Variants in AKR1C1 observed in about 807,000 individuals in gnomAD.
AKR1C1 encodes aldo-keto reductase family 1 member C1.
Under a neutral mutation model 40.6 loss-of-function variants are expected in AKR1C1, and 32 were observed. The observed-to-expected ratio is 0.79, with a 90% CI of 0.60 to 1.06. The LOEUF (loss-of-function observed/expected upper bound fraction) is 1.06, where lower values mean the gene tolerates loss of function less well. Ranked by LOEUF, AKR1C1 falls within the 50% of genes least tolerant of loss-of-function variation. The pLI is 0.00. For missense variants in AKR1C1, 320 were observed against 363.5 expected, an observed-to-expected ratio of 0.88 and a Z score of 0.97; for synonymous variants, 105 against 134.2, an observed-to-expected ratio of 0.78 and a Z score of 1.50.
rs530189167 is a variant in AKR1C1, at chr10:4,976,786, G to A, written c.929+853G>A. ...CAAGTAATAGAGATGATGAGATAAT[G>A]TGTGAAAAAAACAAGCACAATGGTA... is the stretch of plus-strand genomic sequence containing the variant. On this transcript the variant is annotated intron_variant, in intron 8 of 8. Transcript: ENST00000380872. Among the ~76,000 whole-genome samples the A allele has an allele frequency of 4.6e-5, 7 of 152,222 alleles. No homozygotes were observed. The South Asian group carries it at 1.5e-3, about 32-fold the overall frequency.
At chr10:4,973,736 A>C (rs1836476364) in intron 7 of AKR1C1, among the ~76,000 whole-genome samples, 1 of 152,164 alleles carries the variant, frequency 6.6e-6, no homozygotes, top group Non-Finnish European at 1.5e-5. Context: ...TAATTAATCT[A>C]TCATTTATAC....
At chr10:4,968,720 A>C in intron 4 of AKR1C1, 102 bp from the exon 5 acceptor site, 4 of 1,560,318 alleles carry the variant, frequency 2.6e-6, no homozygotes, top group Non-Finnish European at 3.5e-6. Context: ...TTTAAGAACC[A>C]CGGCTAGCTA....
intron 7 of AKR1C1, among the ~76,000 whole-genome samples, chr10:4,974,807 G>A (rs1206920328): frequency 1.3e-5 from 2 of 151,966 alleles, no homozygotes; most frequent in African/African-American, 4.8e-5. Flanking sequence ...TAAAAAGTAA[G>A]TTTCACTTCC....
chr10:4,967,151 A>G, intron 3 of AKR1C1, 108 bp downstream of exon 3: 1 of 1,227,534 alleles, frequency 8.1e-7, no homozygotes, highest in South Asian at 1.4e-5. Context: ...AGGGATTATA[A>G]CATAGAAGAA....
At chr10:4,964,130 G>T (rs191198301) in intron 1 of AKR1C1, among the ~76,000 whole-genome samples, 2 of 151,974 alleles carry the variant, frequency 1.3e-5, no homozygotes, top group Non-Finnish European at 2.9e-5. Context: ...GGTCAAATTT[G>T]TATCAAAATA....
intron 2 of AKR1C1, among the ~76,000 whole-genome samples, 165 bp downstream of exon 2, chr10:4,966,246 G>T (rs1588558504): frequency 6.6e-6 from 1 of 152,258 alleles, no homozygotes; most frequent in African/African-American, 2.4e-5. Flanking sequence ...AGGAAGTGAA[G>T]ATGGCTTTCT....
chr10:4,974,442 G>A (rs1283202097), intron 7 of AKR1C1, among the ~76,000 whole-genome samples: 1 of 151,830 alleles, frequency 6.6e-6, no homozygotes, highest in Non-Finnish European at 1.5e-5. Flanking sequence ...CCTTCATGTA[G>A]ACTAATTTTT....
At chr10:4,976,094 T>C (rs1836522680) in intron 8 of AKR1C1, among the ~76,000 whole-genome samples, 161 bp downstream of exon 8, 1 of 138,046 alleles carries the variant, frequency 7.2e-6, no homozygotes, top group South Asian at 2.5e-4. Flanking sequence ...TCCAGAGCTC[T>C]GTTCTCTGGC....
In AKR1C1 at chr10:4,965,971, C is replaced by T. The variant is rs747274803; in HGVS notation, c.142C>T (p.His48Tyr). 16 of 1,614,186 alleles carry T rather than the reference C, an allele frequency of 9.9e-6. No individual in the cohort carries two copies. In the East Asian group the frequency reaches 3.3e-4, roughly 34 times the overall value. ...TKLAIEAGFRHIDSAHLYNNE... is the reference protein window; with the variant it reads ...TKLAIEAGFRYIDSAHLYNNE... ...ATTGGCAATTGAAGCTGGCTTCCGCCATATTGATTCTGCTCATTTATACAA... is the reference window on the plus strand; with the variant it reads ...ATTGGCAATTGAAGCTGGCTTCCGCTATATTGATTCTGCTCATTTATACAA... The change falls in exon 2 of 9, where the codon CAT becomes TAT. Residue 48 changes from histidine to tyrosine, a missense_variant. This residue lies in a region of AKR1C1 where 214 missense variants were observed against 214.8 expected (regional missense o/e 1.00). Transcript: ENST00000380872.
intron 4 of AKR1C1, 85 bp downstream of exon 4, chr10:4,968,471 A>G (rs1588559733): frequency 3.8e-6 from 5 of 1,319,390 alleles, no homozygotes; most frequent in African/African-American, 2.9e-5. Context: ...AGTATGGAAA[A>G]TGCACCATTG....
rs1227833835 is a variant in AKR1C1 at position 4,967,531 on chromosome 10, C to T, written c.369+488C>T. The T allele has an allele frequency of 3.1e-6, 3 of 981,602 alleles. No individual in the cohort carries two copies. In the African/African-American group the frequency reaches 5.3e-5, roughly 17 times the overall value. The allele number at this position is 981,602 out of a possible 1,614,324, so 60.8% of individuals were successfully genotyped here. A position where few individuals can be genotyped will look rare whatever the true frequency, so the allele number is the denominator to read the frequency against. ...TGCTTCTGCTTCCTCTCTTTTCACA[C>T]TGGAGGTTTTATTTTTGCTTAGCCA... On this transcript the variant is annotated intron_variant, in intron 3 of 8. Transcript: ENST00000380872.
At chr10:4,969,294 A>G (rs1490730298) in intron 5 of AKR1C1, among the ~76,000 whole-genome samples, 2 of 152,232 alleles carry the variant, frequency 1.3e-5, no homozygotes, top group Non-Finnish European at 2.9e-5. Flanking sequence ...GGAACTGTGC[A>G]TAGATATGAA....
chr10:4,979,764 C>T lies in AKR1C1; in HGVS notation c.*2022C>T, dbSNP rs541046893. 2 of 151,776 alleles carry T rather than the reference C, an allele frequency of 1.3e-5. No homozygotes were observed. Among genetic ancestry groups the T allele is most frequent in the African/African-American group, 4.8e-5 (2 of 41,280 alleles). The allele number at this position is 151,776 out of a possible 1,614,324, so 9.4% of individuals were successfully genotyped here. On this transcript the variant is annotated 3_prime_UTR_variant, in exon 9 of 9. Transcript: ENST00000380872. ...ACTCAGAATTTCATAAAGCCAAACA[C>T]CTGATTTCAGGAACACTTGAGATGT...
chr10:4,983,022 A>G lies in AKR1C1; in HGVS notation c.*5280A>G. 2.4e-6 allele frequency: 1 copy of G among 420,338 alleles called. No homozygotes were observed. The highest frequency in any genetic ancestry group is 4.8e-6 in the Non-Finnish European group (1 of 209,178). 26.0% of individuals were successfully genotyped at this position (420,338 alleles called of 1,614,324 possible). On this transcript the variant is annotated 3_prime_UTR_variant, in exon 9 of 9. Transcript: ENST00000380872. Reference sequence around the variant, plus strand: ...ACGTCACTCCCCTGCCACCTCAATCAGAGCTGGTGCTGGTATCCACTGCTG... The same window carrying G: ...ACGTCACTCCCCTGCCACCTCAATCGGAGCTGGTGCTGGTATCCACTGCTG...
At chr10:4,973,376 G>A (rs1836469997) in intron 7 of AKR1C1, among the ~76,000 whole-genome samples, 1 of 152,132 alleles carries the variant, frequency 6.6e-6, no homozygotes, top group Non-Finnish European at 1.5e-5. Flanking sequence ...GGGCTCTCAT[G>A]TGTGTTCAGG....
chr10:4,963,831 A>G lies in AKR1C1; in HGVS notation c.84+303A>G, dbSNP rs747825024. 1.5e-5 allele frequency: 11 copies of G among 756,170 alleles called. No homozygotes were observed. In the East Asian group the frequency reaches 2.4e-4, roughly 17 times the overall value. 46.8% of individuals were successfully genotyped at this position (756,170 alleles called of 1,614,324 possible). ...GGGAGTGGTTTCTCTGTTTCTTTGTATAGTCGAACAGATATTTACTTCTTC... is the reference window on the plus strand; with the variant it reads ...GGGAGTGGTTTCTCTGTTTCTTTGTGTAGTCGAACAGATATTTACTTCTTC... On this transcript the variant is annotated intron_variant, in intron 1 of 8. Coordinates refer to ENST00000380872, the MANE Select transcript of AKR1C1 (RefSeq NM_001353.6).
At position 4,971,524 on chromosome 10, in the gene AKR1C1, A is replaced by ATATATAT. The variant is rs370996794; in HGVS notation, c.571-677_571-676insTATATAT. Reference sequence around the variant, plus strand: ...TATATATTATATATATATATATATAAAATATATATGAAAGAAGAATGTGAT... The same window carrying ATATATAT: ...TATATATTATATATATATATATATAATATATATAATATATATGAAAGAAGAATGTGAT... On this transcript the variant is annotated intron_variant, in intron 5 of 8. Transcript: ENST00000380872. Among the ~76,000 whole-genome samples the ATATATAT allele has an allele frequency of 1.5e-3, 90 of 58,124 alleles. No individual in the cohort carries two copies. In the South Asian group the frequency reaches 0.038, roughly 25 times the overall value. The allele number at this position is 58,124 out of a possible 152,430, so 38.1% of individuals were successfully genotyped here.
In AKR1C1 at chr10:4,969,906, G is replaced by A. The variant is rs866515790; in HGVS notation, c.570+962G>A. 2.7e-4 allele frequency: 146 copies of A among 540,162 alleles called. 1 individual carries two copies. Among genetic ancestry groups the A allele is most frequent in the Middle Eastern group, 2.6e-3 (8 of 3,136 alleles). 33.5% of individuals were successfully genotyped at this position (540,162 alleles called of 1,614,324 possible). ...ATTAGTGAATTTGGTATAATGATAC[G>A]GTGCTGTGATAATTTAATAAAAGCA... On this transcript the variant is annotated intron_variant, in intron 5 of 8. Transcript: ENST00000380872.
At position 4,977,878 on chromosome 10, in the gene AKR1C1, C is replaced by A; in HGVS notation, c.*136C>A. On this transcript the variant is annotated 3_prime_UTR_variant, in exon 9 of 9. Transcript: ENST00000380872. ...GCTTGGTGATTTCAGCAAGCTACAG[C>A]AAAGCCCATTGGCCAGAAAGGAAAG... The A allele has an allele frequency of 1.5e-6, 2 of 1,330,236 alleles. No individual in the cohort carries two copies. The highest frequency in any genetic ancestry group is 2.1e-6 in the Non-Finnish European group (2 of 965,944). The allele number at this position is 1,330,236 out of a possible 1,614,324, so 82.4% of individuals were successfully genotyped here.
Sources: allele counts gnomAD v4.1 joint callset (sites outside exome capture counted in the v4.1 genomes callset), GRCh38; gene constraint gnomAD v4.1.1; regional missense constraint gnomAD v4.1.1; transcripts MANE v1.5; gene names NCBI Gene and HGNC (gene_info 2026-07-23, HGNC 2026-07-21).